CHST9: variants seen among roughly 807,000 people sequenced by gnomAD.
The protein encoded by CHST9 is GalNAc-4-sulfotransferase 2.
Under a neutral mutation model 44.4 loss-of-function variants are expected in CHST9, and 41 were observed. That is an observed-to-expected ratio of 0.92 (90% confidence interval 0.72 to 1.20). CHST9 has a LOEUF of 1.20. Ranked by LOEUF, CHST9 falls within the 50% of genes most tolerant of loss-of-function variation. CHST9 has a pLI of 0.00. For synonymous variants in CHST9, 171 were observed against 178.4 expected (o/e 0.96, Z 0.33); for missense variants, 504 against 516.5 (o/e 0.98, Z 0.23).
chr18:27,056,376 T>G (rs1040862159), intron 2 of CHST9, among the ~76,000 whole-genome samples: 1 of 152,134 alleles, frequency 6.6e-6, no homozygotes, highest in Non-Finnish European at 1.5e-5. Flanking sequence ...AATCCAGAGA[T>G]TTTTACCTTT....
chr18:27,056,124 T>A (rs867134061), intron 2 of CHST9, among the ~76,000 whole-genome samples: 20 of 152,348 alleles, frequency 1.3e-4, no homozygotes, highest in Middle Eastern at 3.4e-3. Context: ...ACAATTTTTT[T>A]AACTTATAAT....
At chr18:26,951,090 C>G (rs1816357672) in intron 4 of CHST9, among the ~76,000 whole-genome samples, 1 of 152,156 alleles carries the variant, frequency 6.6e-6, no homozygotes, top group African/African-American at 2.4e-5. Flanking sequence ...ACTGCAGAGG[C>G]AGGTTGCGCA....
rs2055378780 is a variant in CHST9 at position 26,906,893 on chromosome 18, C to T, written c.*9366G>A. ...GTAGACCCAGGAGGAAGAAAACTAT[C>T]CAATGTTAGGGTATTATGTCCATTC... On this transcript the variant is annotated 3_prime_UTR_variant, in exon 6 of 6. Coordinates refer to ENST00000618847, the MANE Select transcript of CHST9 (RefSeq NM_031422.6). The T allele has an allele frequency of 6.6e-6, 1 of 152,088 alleles. No homozygotes were observed. The highest frequency in any genetic ancestry group is 2.1e-4 in the South Asian group (1 of 4,830). The allele number at this position is 152,088 out of a possible 1,614,324, so 9.4% of individuals were successfully genotyped here.
chr18:27,155,965 C>T (rs998615813), intron 1 of CHST9, among the ~76,000 whole-genome samples: 9 of 151,680 alleles, frequency 5.9e-5, no homozygotes, highest in Admixed American at 4.6e-4. Context: ...AAGGAAAATA[C>T]AAGATATAAA....
At chr18:27,163,450 A>G (rs910844467) in intron 1 of CHST9, among the ~76,000 whole-genome samples, 5 of 152,196 alleles carry the variant, frequency 3.3e-5, no homozygotes, top group Non-Finnish European at 7.4e-5. Flanking sequence ...CTTGAGCTGC[A>G]GTGGGCTCCA....
intron 5 of CHST9, among the ~76,000 whole-genome samples, chr18:26,938,706 G>A (rs144260568): frequency 2.8e-4 from 42 of 152,290 alleles, no homozygotes; most frequent in Middle Eastern, 3.4e-3. Flanking sequence ...ATGTTCTGCA[G>A]GCAATATGGA....
chr18:27,011,044 T>C (rs1193778328), intron 4 of CHST9, among the ~76,000 whole-genome samples: 6 of 152,102 alleles, frequency 3.9e-5, no homozygotes, highest in Admixed American at 3.9e-4. Flanking sequence ...ATTTCTGATA[T>C]GCAGCCAAGC....
chr18:27,054,165 C>G (rs2057623368), intron 2 of CHST9, among the ~76,000 whole-genome samples: 1 of 152,146 alleles, frequency 6.6e-6, no homozygotes, highest in South Asian at 2.1e-4. Context: ...AATTTTAGTA[C>G]TGCTAAAATG....
At chr18:26,971,569 G>A (rs1359413936) in intron 4 of CHST9, among the ~76,000 whole-genome samples, 4 of 152,188 alleles carry the variant, frequency 2.6e-5, no homozygotes, top group African/African-American at 9.6e-5. Flanking sequence ...AATAATGTTC[G>A]AATTAATCAC....
intron 2 of CHST9, among the ~76,000 whole-genome samples, chr18:27,116,981 A>AT (rs144419527): frequency 0.12 from 17,928 of 148,938 alleles, 1,214 homozygotes; most frequent in African/African-American, 0.19. Context: ...GTTAATTCTA[A>AT]TTTTTTTTTT....
chr18:27,133,875 C>T (rs1243964095), intron 2 of CHST9, among the ~76,000 whole-genome samples: 4 of 152,090 alleles, frequency 2.6e-5, no homozygotes, highest in East Asian at 1.9e-4. Context: ...AATGGGAAGA[C>T]GAGGTGTGGC....
At chr18:27,168,898 C>T (rs1183188343) in intron 1 of CHST9, among the ~76,000 whole-genome samples, 1 of 152,114 alleles carries the variant, frequency 6.6e-6, no homozygotes, top group African/African-American at 2.4e-5. Flanking sequence ...CAGTTTAGCC[C>T]GTTCAAAGAG....
intron 5 of CHST9, chr18:26,934,719 A>G (rs2055955474): frequency 6.6e-6 from 1 of 152,196 alleles, no homozygotes; most frequent in Admixed American, 6.5e-5. Flanking sequence ...CAATTTCCTG[A>G]GGTAATTTCT....
At chr18:27,180,726 T>G (rs1369479057) in intron 1 of CHST9, among the ~76,000 whole-genome samples, 1 of 152,204 alleles carries the variant, frequency 6.6e-6, no homozygotes, top group Non-Finnish European at 1.5e-5. Flanking sequence ...CCATTATTTC[T>G]GCAACTGTAA....
chr18:27,125,139 T>G (rs2058409175), intron 2 of CHST9, among the ~76,000 whole-genome samples: 1 of 152,204 alleles, frequency 6.6e-6, no homozygotes, highest in Admixed American at 6.6e-5. Flanking sequence ...ATGGGTCATA[T>G]AGAAAGCAAT....
intron 4 of CHST9, among the ~76,000 whole-genome samples, chr18:26,955,447 T>C (rs2056309320): frequency 6.6e-6 from 1 of 152,196 alleles, no homozygotes; most frequent in Non-Finnish European, 1.5e-5. Context: ...AACTATTTAC[T>C]CAAATAGTTT....
At chr18:27,081,940 A>G (rs2057964992) in intron 2 of CHST9, among the ~76,000 whole-genome samples, 1 of 152,104 alleles carries the variant, frequency 6.6e-6, no homozygotes, top group Admixed American at 6.6e-5. Context: ...AAAAATATAA[A>G]CCCAAGCTTT....
chr18:26,942,042 T>A, intron 5 of CHST9, among the ~76,000 whole-genome samples: 1 of 151,290 alleles, frequency 6.6e-6, no homozygotes, highest in East Asian at 1.9e-4. Flanking sequence ...GCGGCAAGAT[T>A]AATGCTCAGC....
chr18:27,013,497 G>A (rs2057109785), intron 4 of CHST9, among the ~76,000 whole-genome samples: 1 of 152,130 alleles, frequency 6.6e-6, no homozygotes, highest in African/African-American at 2.4e-5. Flanking sequence ...CCTGATCCAT[G>A]ACATGAAATT....
Sources: gnomAD v4.1 joint callset for allele counts (sites outside exome capture counted in the v4.1 genomes callset) on GRCh38, gnomAD v4.1.1 for gene constraint, MANE v1.5 for transcripts, NCBI Gene and HGNC (gene_info 2026-07-23, HGNC 2026-07-21) for gene names.